Variants in GSE1 observed in about 807,000 individuals in gnomAD.
GSE1 encodes genetic suppressor element 1.
Under a neutral mutation model 112.6 loss-of-function variants are expected in GSE1, and 32 were observed. The ratio of observed to expected loss-of-function variants is 0.28; its 90% CI spans 0.21 to 0.38. The LOEUF (loss-of-function observed/expected upper bound fraction) is 0.38. Ranked by LOEUF, GSE1 falls within the 10% of genes least tolerant of loss-of-function variation. The probability of loss-of-function intolerance (pLI) is 1.00; values close to 1 mark genes in which losing one functional copy is unlikely to be tolerated. For missense variants in GSE1, 2,348 were observed against 1,699.2 expected (o/e 1.38, Z -6.71); for synonymous variants, 1,115 against 735.6 (o/e 1.52, Z -8.35).
chr16:85,582,202 G>C (rs556177109), intron 1 of GSE1: 2 of 152,242 alleles, frequency 1.3e-5, no homozygotes, highest in Non-Finnish European at 2.9e-5. Context: ...CTTAGCACCC[G>C]AACGGGGCTC....
chr16:85,508,197 C>T (rs1004444348), intron 2 of GSE1, among the ~76,000 whole-genome samples: 1 of 152,170 alleles, frequency 6.6e-6, no homozygotes, highest in African/African-American at 2.4e-5. Flanking sequence ...CCACGCCCAG[C>T]TAATTTTTGT....
chr16:85,617,988 G>T (rs2048486116), intron 1 of GSE1, among the ~76,000 whole-genome samples: 1 of 152,128 alleles, frequency 6.6e-6, no homozygotes, highest in Non-Finnish European at 1.5e-5. Flanking sequence ...TTAACCCCAG[G>T]CAGAATCCTG....
chr16:85,201,833 A>G (rs2075034701), intron 1 of GSE1, among the ~76,000 whole-genome samples: 1 of 152,152 alleles, frequency 6.6e-6, no homozygotes, highest in Non-Finnish European at 1.5e-5. Flanking sequence ...TCATGGCCAA[A>G]TGATTTGCCA....
In GSE1 at chr16:85,428,904, G is replaced by A. The variant is rs533459442; in HGVS notation, c.2464+71261G>A. Among the ~76,000 whole-genome samples, 29 of 152,270 alleles carry A rather than the reference G, an allele frequency of 1.9e-4. 1 individual carries two copies. The South Asian group carries it at 4.8e-3, about 25-fold the overall frequency. On this transcript the variant is annotated intron_variant, in intron 2 of 2. Transcript: ENST00000637419. ...CAGTAAACTGTCTTTGTCACTGGCC[G>A]GTGAGCTGTGGCCACCGTCCTGGGC...
intron 2 of GSE1, among the ~76,000 whole-genome samples, chr16:85,472,054 G>T (rs1047840078): frequency 6.6e-6 from 1 of 152,186 alleles, no homozygotes. Flanking sequence ...CTCTGCTCAC[G>T]AGATACCAGT....
At chr16:85,264,969 G>A (rs1908087217) in intron 1 of GSE1, among the ~76,000 whole-genome samples, 1 of 152,154 alleles carries the variant, frequency 6.6e-6, no homozygotes. Context: ...TGAGAAATGG[G>A]ACAGTCACAT....
intron 1 of GSE1, among the ~76,000 whole-genome samples, chr16:85,623,835 C>G (rs2048893222): frequency 1.3e-5 from 2 of 152,192 alleles, no homozygotes. Flanking sequence ...CCAGGCCACT[C>G]CTGGCCCCTG....
chr16:85,661,842 T>A (rs1417589382), intron 9 of GSE1, 77 bp downstream of exon 9: 6 of 1,354,950 alleles, frequency 4.4e-6, no homozygotes, highest in South Asian at 1.5e-5. Context: ...GCCAGCCACC[T>A]GCCCCTCTCC....
intron 2 of GSE1, among the ~76,000 whole-genome samples, chr16:85,415,363 G>GATGA (rs1342964583): frequency 2.0e-5 from 3 of 152,224 alleles, no homozygotes; most frequent in African/African-American, 4.8e-5. Context: ...AGGACATGAT[G>GATGA]ATGAATGAAT....
chr16:85,419,974 C>G lies in GSE1; in HGVS notation c.2464+62331C>G, dbSNP rs993495193. On this transcript the variant is annotated intron_variant, in intron 2 of 2. Transcript: ENST00000637419. The surrounding 1 kb of genome is among the most constrained non-coding windows in gnomAD (Gnocchi z 6.5). ...GAAGGCCCCTCTGAGGCCCAGCTGG[C>G]AGTTATCATGGGTCTGTGAATGCTG... Among the ~76,000 whole-genome samples, 1 of 152,214 alleles carries G rather than the reference C, an allele frequency of 6.6e-6. No individual in the cohort carries two copies. The highest frequency in any genetic ancestry group is 1.5e-5 in the Non-Finnish European group (1 of 68,042).
At chr16:85,397,034 C>G (rs2047982328) in intron 2 of GSE1, among the ~76,000 whole-genome samples, 1 of 152,174 alleles carries the variant, frequency 6.6e-6, no homozygotes. Flanking sequence ...TCCCCTCCAG[C>G]TGGGTGGGTG....
chr16:85,521,567 A>G (rs1047917440), intron 2 of GSE1, among the ~76,000 whole-genome samples: 1 of 152,222 alleles, frequency 6.6e-6, no homozygotes, highest in Non-Finnish European at 1.5e-5. Flanking sequence ...GGACCTCGGT[A>G]TCTTCTTCTT....
chr16:85,661,478 A>T lies in GSE1; in HGVS notation c.1973A>T (p.Glu658Val). The change falls in exon 9 of 16, where the codon GAG becomes GTG. Residue 658 changes from glutamate to valine, a missense_variant. By Grantham distance (121) the Glu-to-Val change is moderately radical. Coordinates refer to ENST00000253458, the MANE Select transcript of GSE1 (RefSeq NM_014615.5). The stretch of plus-strand genomic sequence containing the variant: ...CAGCCACCTCCGCCGCCACCACGAG[A>T]GGGAGGGAGCCTGGAGCACCAGCCC... The part of the protein sequence containing the change: ...KYQPPPPPPR[E>V]GGSLEHQPFL... 1 of 1,611,476 alleles carries T rather than the reference A, an allele frequency of 6.2e-7. No individual in the cohort carries two copies. Among genetic ancestry groups the T allele is most frequent in the South Asian group, 1.1e-5 (1 of 91,006 alleles).
intron 1 of GSE1, among the ~76,000 whole-genome samples, chr16:85,631,663 C>T (rs935451082): frequency 2.0e-5 from 3 of 152,254 alleles, no homozygotes; most frequent in Admixed American, 1.3e-4. Flanking sequence ...CCCTGGGGTG[C>T]CCCACAGGCT....
At chr16:85,251,852 C>A (rs1458879723) in intron 1 of GSE1, among the ~76,000 whole-genome samples, 1 of 152,190 alleles carries the variant, frequency 6.6e-6, no homozygotes, top group South Asian at 2.1e-4. Context: ...GCTGGGTGTG[C>A]GGAACCCCTA....
At chr16:85,374,836 C>A (rs1256139876) in intron 2 of GSE1, among the ~76,000 whole-genome samples, 1 of 152,148 alleles carries the variant, frequency 6.6e-6, no homozygotes, top group Non-Finnish European at 1.5e-5. Context: ...CAGCCCCCAT[C>A]CTCTGTGGGG....
intron 1 of GSE1, among the ~76,000 whole-genome samples, chr16:85,208,828 C>T (rs945360452): frequency 4.7e-5 from 5 of 105,950 alleles, no homozygotes; most frequent in South Asian, 2.8e-4. Context: ...TGTTGGGGTT[C>T]GTCTGTGTTG....
intron 8 of GSE1, among the ~76,000 whole-genome samples, chr16:85,659,828 C>T (rs979043350): frequency 6.6e-6 from 1 of 152,260 alleles, no homozygotes; most frequent in Non-Finnish European, 1.5e-5. Flanking sequence ...CCTTCTTTCC[C>T]TCCCTGCCTC....
chr16:85,543,420 C>G (rs1478176379), intron 2 of GSE1, among the ~76,000 whole-genome samples: 1 of 152,180 alleles, frequency 6.6e-6, no homozygotes, highest in African/African-American at 2.4e-5. Flanking sequence ...AGAAAGAGGA[C>G]TGCAGAGAAA....
Sources: allele counts gnomAD v4.1 joint callset (sites outside exome capture counted in the v4.1 genomes callset), GRCh38; gene constraint gnomAD v4.1.1; non-coding constraint Gnocchi (gnomAD v3.1); transcripts MANE v1.5; gene names NCBI Gene and HGNC (gene_info 2026-07-23, HGNC 2026-07-21).